Variants in TMEM245 observed in about 807,000 individuals in gnomAD.
TMEM245 encodes the protein transmembrane protein 245.
TMEM245 carries 69 observed loss-of-function variants against 101.2 expected under a neutral mutation model. The observed-to-expected ratio is 0.68, with a 90% CI of 0.56 to 0.83. TMEM245 has a LOEUF of 0.83. Among genes scored for constraint, TMEM245 ranks in the 40% least tolerant of loss-of-function variants. The probability of loss-of-function intolerance (pLI) is 0.00; values close to 1 mark genes in which losing one functional copy is unlikely to be tolerated. For synonymous variants in TMEM245, 537 were observed against 449.8 expected, an observed-to-expected ratio of 1.19 and a Z score of -2.45; for missense variants, 1,075 against 1,092.8, an observed-to-expected ratio of 0.98 and a Z score of 0.23.
At chr9:109,023,790 C>A (rs1049162845) in intron 17 of TMEM245, among the ~76,000 whole-genome samples, 1 of 150,146 alleles carries the variant, frequency 6.7e-6, no homozygotes, top group African/African-American at 2.5e-5. Flanking sequence ...GAGCCCAGAT[C>A]GCGCCACTGC....
chr9:109,051,334 ACACAC>A (rs1347776338), intron 12 of TMEM245, among the ~76,000 whole-genome samples: 1 of 151,680 alleles, frequency 6.6e-6, no homozygotes, highest in African/African-American at 2.4e-5. Flanking sequence ...ACACACACAC[ACACAC>A]ATCATTGTAG....
At chr9:109,055,792 G>A (rs1828815531) in intron 12 of TMEM245, among the ~76,000 whole-genome samples, 1 of 152,068 alleles carries the variant, frequency 6.6e-6, no homozygotes, top group South Asian at 2.1e-4. Context: ...GCGCCACCAT[G>A]CCCAGCTAAT....
intron 17 of TMEM245, among the ~76,000 whole-genome samples, chr9:109,026,418 G>T (rs1564167020): frequency 6.6e-6 from 1 of 152,006 alleles, no homozygotes; most frequent in Non-Finnish European, 1.5e-5. Flanking sequence ...GAATAGTTAG[G>T]AGTTCGTTAA....
At chr9:109,051,659 T>C (rs955656258) in intron 12 of TMEM245, among the ~76,000 whole-genome samples, 1 of 152,232 alleles carries the variant, frequency 6.6e-6, no homozygotes, top group Non-Finnish European at 1.5e-5. Flanking sequence ...GGGACCATGA[T>C]TGCATTTTGT....
chr9:109,088,434 A>G (rs1178456433), intron 5 of TMEM245, among the ~76,000 whole-genome samples: 1 of 152,180 alleles, frequency 6.6e-6, no homozygotes, highest in Non-Finnish European at 1.5e-5. Context: ...AGCTATAACT[A>G]AGAGAAATGA....
chr9:109,015,655 T>C lies in TMEM245; in HGVS notation c.*4805A>G, dbSNP rs756311125. ...ACTCTGGACTTGGAGTCAGAAGTTC[T>C]GCAACTAAATTCTGGCTCCATCATT... is the stretch of plus-strand genomic sequence containing the variant. On this transcript the variant is annotated 3_prime_UTR_variant, in exon 18 of 18. Transcript: ENST00000374586. 4.6e-5 allele frequency: 7 copies of C among 152,664 alleles called. No homozygotes were observed. The highest frequency in any genetic ancestry group is 8.8e-5 in the Non-Finnish European group (6 of 68,046). The allele number at this position is 152,664 out of a possible 1,614,324, so 9.5% of individuals were successfully genotyped here. A position where few individuals can be genotyped will look rare whatever the true frequency, so the allele number is the denominator to read the frequency against.
chr9:109,058,334 G>T (rs1215786295), intron 11 of TMEM245, among the ~76,000 whole-genome samples: 4 of 151,782 alleles, frequency 2.6e-5, no homozygotes, highest in Non-Finnish European at 5.9e-5. Context: ...ACCATACAAG[G>T]TAAGGAAAAT....
At chr9:109,069,514 T>C (rs1455251584) in intron 9 of TMEM245, among the ~76,000 whole-genome samples, 4 of 152,186 alleles carry the variant, frequency 2.6e-5, no homozygotes, top group Admixed American at 2.6e-4. Context: ...CCTCACTTCT[T>C]ACTTCAAAGA....
intron 17 of TMEM245, 46 bp from the exon 18 acceptor site, chr9:109,020,551 G>A (rs1827590258): frequency 6.5e-7 from 1 of 1,547,500 alleles, no homozygotes; most frequent in African/African-American, 1.4e-5. Context: ...CCATAAAACA[G>A]TATCCTATTT....
At chr9:109,073,243 C>T (rs1477509698) in intron 9 of TMEM245, 113 bp downstream of exon 9, 6 of 800,016 alleles carry the variant, frequency 7.5e-6, no homozygotes, top group Admixed American at 4.1e-5. Flanking sequence ...AAAGCTCTGG[C>T]AAACCCTATC....
intron 12 of TMEM245, among the ~76,000 whole-genome samples, chr9:109,056,161 C>A (rs1005902281): frequency 4.6e-5 from 7 of 151,904 alleles, no homozygotes; most frequent in Middle Eastern, 3.4e-3. Flanking sequence ...AGGTAAATAC[C>A]CAGGGAAAGC....
At chr9:109,029,648 G>C (rs1371372133) in intron 17 of TMEM245, among the ~76,000 whole-genome samples, 1 of 152,134 alleles carries the variant, frequency 6.6e-6, no homozygotes, top group Non-Finnish European at 1.5e-5. Flanking sequence ...CCACCAAAAA[G>C]GAAGAAATCA....
At chr9:109,080,774 TA>T (rs1829644148) in intron 8 of TMEM245, 64 bp downstream of exon 8, 19 of 1,031,090 alleles carry the variant, frequency 1.8e-5, no homozygotes, top group African/African-American at 4.9e-5. Flanking sequence ...TGCTAGCTTT[TA>T]ATCCAGACTA....
chr9:109,029,035 C>T lies in TMEM245; in HGVS notation c.2594+4272G>A, dbSNP rs112085921. ...ATGTCATACAAAATATAAACCTGTA[C>T]GCTAAAAAGGTACATTTTACTCTAA... On this transcript the variant is annotated intron_variant, in intron 17 of 17. Transcript: ENST00000374586. 1.4e-3 allele frequency among the ~76,000 whole-genome samples: 210 copies of T among 151,954 alleles called. 3 individuals carry two copies. The South Asian group carries it at 0.021, about 15-fold the overall frequency.
At chr9:109,091,218 A>G in intron 4 of TMEM245, 63 bp from the exon 5 acceptor site, 1 of 1,418,360 alleles carries the variant, frequency 7.1e-7, no homozygotes, top group South Asian at 1.2e-5. Context: ...GGGAATACAG[A>G]GCCACTCATT....
At chr9:109,053,692 A>T (rs926770420) in intron 12 of TMEM245, among the ~76,000 whole-genome samples, 2 of 152,218 alleles carry the variant, frequency 1.3e-5, no homozygotes, top group African/African-American at 4.8e-5. Flanking sequence ...ACCACTCACC[A>T]AACAACCTTT....
rs1827559393 is a variant in TMEM245, at chr9:109,019,629, C to T, written c.*831G>A. On this transcript the variant is annotated 3_prime_UTR_variant, in exon 18 of 18. Transcript: ENST00000374586. ...ATTGGCAGAGTTCCAAATAATGAAA[C>T]GGATACATTTAACAAATCAGAGTAT... 6.6e-6 allele frequency: 1 copy of T among 152,366 alleles called. No homozygotes were observed. Among genetic ancestry groups the T allele is most frequent in the Non-Finnish European group, 1.5e-5 (1 of 68,034 alleles). 9.4% of individuals were successfully genotyped at this position (152,366 alleles called of 1,614,324 possible). A position where few individuals can be genotyped will look rare whatever the true frequency, so the allele number is the denominator to read the frequency against.
At chr9:109,114,500 C>T (rs1185416476) in intron 1 of TMEM245, among the ~76,000 whole-genome samples, 1 of 152,058 alleles carries the variant, frequency 6.6e-6, no homozygotes, top group African/African-American at 2.4e-5. Context: ...CAGAGGAGGG[C>T]CCTGGTCTGC....
chr9:109,054,382 T>C (rs1473407033), intron 12 of TMEM245, among the ~76,000 whole-genome samples: 1 of 152,228 alleles, frequency 6.6e-6, no homozygotes, highest in Non-Finnish European at 1.5e-5. Flanking sequence ...AAGGTAGTGA[T>C]ATATGAGATT....
Sources: allele counts gnomAD v4.1 joint callset (sites outside exome capture counted in the v4.1 genomes callset), GRCh38; gene constraint gnomAD v4.1.1; transcripts MANE v1.5; gene names NCBI Gene and HGNC (gene_info 2026-07-23, HGNC 2026-07-21).